Variants in ADPRHL1 observed in about 807,000 individuals in gnomAD.
ADPRHL1 encodes the protein inactive ADP-ribosyltransferase ARH2.
In ADPRHL1, 43 loss-of-function variants were observed where a neutral mutation model predicts 44.1. The observed-to-expected ratio is 0.98, with a 90% CI of 0.76 to 1.26. The LOEUF (loss-of-function observed/expected upper bound fraction) is 1.26, where lower values mean the gene tolerates loss of function less well. Ranked by LOEUF, ADPRHL1 falls within the 50% of genes most tolerant of loss-of-function variation. ADPRHL1 has a pLI of 0.00. For missense variants in ADPRHL1, 2,022 were observed against 2,496.9 expected (o/e 0.81, Z 4.05); for synonymous variants, 878 against 1,017.4 (o/e 0.86, Z 2.61).
chr13:113,450,991 G>C (rs181167313), intron 1 of ADPRHL1, among the ~76,000 whole-genome samples: 1 of 150,110 alleles, frequency 6.7e-6, no homozygotes, highest in East Asian at 2.0e-4. Context: ...AGCAGGTGTT[G>C]TTCCTTGCCA....
Position 113,407,897 on chromosome 13 carries a change from GGCCCCT to G in ADPRHL1, c.1379_1384del (p.Gln460_Gly461del). ...GGTGGCACCCACGAGGCCCCCACCC[GGCCCCT>G]GCTTGTCCTTGGAGATCAGCCGGCC... On this transcript the variant is annotated inframe_deletion, in exon 8 of 8. Transcript: ENST00000612156. The G allele has an allele frequency of 8.1e-7, 1 of 1,231,938 alleles. No individual in the cohort carries two copies. The highest frequency in any genetic ancestry group is 4.1e-5 in the South Asian group (1 of 24,316). 76.3% of individuals were successfully genotyped at this position (1,231,938 alleles called of 1,614,324 possible). A position where few individuals can be genotyped will look rare whatever the true frequency, so the allele number is the denominator to read the frequency against.
intron 7 of ADPRHL1, among the ~76,000 whole-genome samples, chr13:113,421,398 C>A (rs1308064466): frequency 2.1e-5 from 3 of 143,484 alleles, no homozygotes; most frequent in African/African-American, 7.8e-5. Context: ...CCGGGACTTG[C>A]CCACCCCCAG....
rs1049092343 is a variant in ADPRHL1, at chr13:113,407,412, C to T, written c.1870G>A (p.Ala624Thr). 1.1e-5 allele frequency: 13 copies of T among 1,231,862 alleles called. No homozygotes were observed. Among genetic ancestry groups the T allele is most frequent in the East Asian group, 9.5e-5 (3 of 31,700 alleles). 76.3% of individuals were successfully genotyped at this position (1,231,862 alleles called of 1,614,324 possible). ...TAEPLPALSIATVVCGPRSWL... is the reference protein window; with the variant it reads ...TAEPLPALSITTVVCGPRSWL... ...CTCCTGGGGCCACAGACGACGGTGG[C>T]GATGCTGAGGGCCGGCAGGGGCTCA... Residue 624 changes from alanine (A) to threonine (T), a missense_variant, in exon 8 of 8, where the codon GCC (alanine) becomes ACC (threonine). Transcript: ENST00000612156.
Position 113,453,310 on chromosome 13 carries a change from A to G in ADPRHL1, c.128T>C (p.Leu43Pro), listed in dbSNP as rs771165404. 1.2e-6 allele frequency: 2 copies of G among 1,614,204 alleles called. No individual in the cohort carries two copies. The highest frequency in any genetic ancestry group is 2.2e-5 in the East Asian group (1 of 44,874). ...IQEELQRSGG[L>P]DHLVLSPGEW... is the part of the protein sequence containing the mutation. Reference sequence around the variant, plus strand: ...TCCTGGCGAGAGTACGAGGTGGTCCAGGCCCCCGGAACGTTGCAGCTCCTC... The same window carrying G: ...TCCTGGCGAGAGTACGAGGTGGTCCGGGCCCCCGGAACGTTGCAGCTCCTC... Residue 43 changes from leucine to proline, a missense_variant, in exon 1 of 8, where the codon CTG becomes CCG. Transcript: ENST00000612156. This position sits in a 1 kb window ranked among gnomAD's most constrained non-coding sequence, Gnocchi z 5.4.
intron 2 of ADPRHL1, among the ~76,000 whole-genome samples, chr13:113,443,293 A>T (rs932819611): frequency 5.3e-5 from 8 of 152,016 alleles, no homozygotes; most frequent in Non-Finnish European, 1.2e-4. Flanking sequence ...AAATAGTTTG[A>T]TCTTTCTGGG....
chr13:113,408,424 T>A (rs1167380087), intron 7 of ADPRHL1, among the ~76,000 whole-genome samples: 1 of 152,220 alleles, frequency 6.6e-6, no homozygotes, highest in East Asian at 1.9e-4. Context: ...AAAGCTTTTC[T>A]GGGTCACTGT....
chr13:113,414,946 T>G (rs1378976645), intron 7 of ADPRHL1, among the ~76,000 whole-genome samples: 1 of 152,174 alleles, frequency 6.6e-6, no homozygotes, highest in Non-Finnish European at 1.5e-5. Context: ...GTGCTGGGAT[T>G]ACAGGCATGA....
At chr13:113,445,937 C>G (rs182401757) in intron 1 of ADPRHL1, among the ~76,000 whole-genome samples, 8 of 150,106 alleles carry the variant, frequency 5.3e-5, no homozygotes, top group Non-Finnish European at 1.2e-4. Context: ...AGAGCACGCA[C>G]GTGTAGGGAC....
At chr13:113,434,018 C>T (rs2044027416) in intron 2 of ADPRHL1, 151 bp from the exon 3 acceptor site, 2 of 1,179,214 alleles carry the variant, frequency 1.7e-6, no homozygotes, top group Admixed American at 6.9e-5. Flanking sequence ...ATGGGCAGGC[C>T]ACTCAAGTCC....
In ADPRHL1 at chr13:113,449,138, G is replaced by A. The variant is rs973648140; in HGVS notation, c.214+4086C>T. 5 of 1,008,098 alleles carry A rather than the reference G, an allele frequency of 5.0e-6. No homozygotes were observed. The South Asian group carries it at 1.2e-4, about 24-fold the overall frequency. 62.4% of individuals were successfully genotyped at this position (1,008,098 alleles called of 1,614,324 possible). A position where few individuals can be genotyped will look rare whatever the true frequency, so the allele number is the denominator to read the frequency against. ...ACTTCCTGGTTCAGAGTCTGCTCTC[G>A]TGCCCTGTTCAGAGAGGCTCACCCG... On this transcript the variant is annotated intron_variant, in intron 1 of 7. Transcript: ENST00000612156.
In ADPRHL1 at chr13:113,453,401, C is replaced by T. The variant is rs769398018; in HGVS notation, c.37G>A (p.Val13Ile). The T allele has an allele frequency of 2.5e-5, 41 of 1,614,042 alleles. No homozygotes were observed. Among genetic ancestry groups the T allele is most frequent in the South Asian group, 2.5e-4 (23 of 91,084 alleles). ...KFKAAMLLGS[V>I]GDALGYRNVC... ...TTTCTGTAGCCAAGAGCATCGCCGA[C>T]GCTCCCCAGCAACATCGCAGCCTTA... Residue 13 changes from valine to isoleucine, a missense_variant, in exon 1 of 8, where the codon GTC becomes ATC. Transcript: ENST00000612156. The surrounding 1 kb of genome is among the most constrained non-coding windows in gnomAD (Gnocchi z 5.4).
chr13:113,405,601 T>C lies in ADPRHL1; in HGVS notation c.3681A>G (p.Leu1227=). Residue 1227 remains leucine, a synonymous_variant, in exon 8 of 8, where the codon TTA becomes TTG. Coordinates refer to ENST00000612156, the MANE Select transcript of ADPRHL1 (RefSeq NM_001394807.1). Reference sequence around the variant, plus strand: ...TGGCTGCTGATGTGTTTGAAATGTATAATCGGGCCGCCTCTGGGTGCCGGG... The same window carrying C: ...TGGCTGCTGATGTGTTTGAAATGTACAATCGGGCCGCCTCTGGGTGCCGGG... The part of the protein sequence containing the change: ...ALARHPEAAR[L]YISNTSAASR... The C allele has an allele frequency of 8.1e-7, 1 of 1,232,696 alleles. No individual in the cohort carries two copies. The highest frequency in any genetic ancestry group is 1.0e-6 in the Non-Finnish European group (1 of 988,716). 76.4% of individuals were successfully genotyped at this position (1,232,696 alleles called of 1,614,324 possible).
chr13:113,423,038 C>T, intron 6 of ADPRHL1, 59 bp from the exon 7 acceptor site: 1 of 1,603,402 alleles, frequency 6.2e-7, no homozygotes, highest in Non-Finnish European at 8.5e-7. Context: ...TCTGCAAGAC[C>T]CCTGGGGCTG....
In ADPRHL1 at chr13:113,409,900, A is replaced by G. The variant is rs912743692; in HGVS notation, c.1062-1680T>C. The G allele has an allele frequency of 9.4e-4, 921 of 982,844 alleles. 10 individuals carry two copies. The African/African-American group carries it at 0.015, about 16-fold the overall frequency. 60.9% of individuals were successfully genotyped at this position (982,844 alleles called of 1,614,324 possible). A position where few individuals can be genotyped will look rare whatever the true frequency, so the allele number is the denominator to read the frequency against. ...CGAGACTCCGTCTCAAAAAAAAAAA[A>G]AAAAAAAAGGAAGAAGCTGAGCAGG... On this transcript the variant is annotated intron_variant, in intron 7 of 7. Transcript: ENST00000612156. The surrounding 1 kb of genome is among the most constrained non-coding windows in gnomAD (Gnocchi z 4.2).
rs9577273 is a variant in ADPRHL1, at chr13:113,453,418, G to A, written c.20C>T (p.Ala7Val). The A allele has an allele frequency of 3.9e-4, 633 of 1,614,058 alleles. 4 individuals carry two copies. The East Asian group carries it at 0.013, about 32-fold the overall frequency. MEKFKA[A>V]MLLGSVGDAL... ...ATCGCCGACGCTCCCCAGCAACATCGCAGCCTTAAATTTCTCCATCCCAGG... is the reference window on the plus strand; with the variant it reads ...ATCGCCGACGCTCCCCAGCAACATCACAGCCTTAAATTTCTCCATCCCAGG... The change falls in exon 1 of 8, where the codon GCG becomes GTG. Residue 7 changes from alanine to valine, a missense_variant. This residue lies in a region of ADPRHL1 where 437 missense variants were observed against 430.7 expected (regional missense o/e 1.01). Coordinates refer to ENST00000612156, the MANE Select transcript of ADPRHL1 (RefSeq NM_001394807.1). This position sits in a 1 kb window ranked among gnomAD's most constrained non-coding sequence, Gnocchi z 5.4.
chr13:113,409,482 C>T lies in ADPRHL1; in HGVS notation c.1062-1262G>A, dbSNP rs1199439413. 4.1e-6 allele frequency: 4 copies of T among 985,320 alleles called. No homozygotes were observed. The East Asian group carries it at 4.5e-4, about 112-fold the overall frequency. The allele number at this position is 985,320 out of a possible 1,614,324, so 61.0% of individuals were successfully genotyped here. On this transcript the variant is annotated intron_variant, in intron 7 of 7. Transcript: ENST00000612156. The surrounding 1 kb of genome is among the most constrained non-coding windows in gnomAD (Gnocchi z 4.2). ...TCTAGAGCATCCTCGATGTCCAACTCCAGGGCGGCCGCACAATGGCACGTC... is the reference window on the plus strand; with the variant it reads ...TCTAGAGCATCCTCGATGTCCAACTTCAGGGCGGCCGCACAATGGCACGTC...
At position 113,422,895 on chromosome 13, in the gene ADPRHL1, T is replaced by C. The variant is rs2043936462; in HGVS notation, c.992A>G (p.Gln331Arg). ...CAGCTTCTCCTTGTCCTCCAGGTCC[T>C]GGTACAAGCCTTTGGGAACGAGGTC... is the stretch of plus-strand genomic sequence containing the variant. ...GLDLVPKGLY[Q>R]DLEDKEKLED... The change falls in exon 7 of 8, where the codon CAG becomes CGG. Residue 331 changes from glutamine to arginine, a missense_variant. Gln to Arg is a conservative substitution (Grantham distance 43, BLOSUM62 1). Transcript: ENST00000612156. The C allele has an allele frequency of 1.2e-6, 2 of 1,612,946 alleles. No homozygotes were observed. Among genetic ancestry groups the C allele is most frequent in the Non-Finnish European group, 1.7e-6 (2 of 1,179,994 alleles).
In ADPRHL1 at chr13:113,424,697, CATTCATCCATTT is replaced by C. The variant is rs373814960; in HGVS notation, c.774+343_775-349del. On this transcript the variant is annotated intron_variant, in intron 5 of 7. Coordinates refer to ENST00000612156, the MANE Select transcript of ADPRHL1 (RefSeq NM_001394807.1). ...CCATCCATTCATCTATCCACCCATC[CATTCATCCATTT>C]ACCCACACATTTACCTACCCATCCA... is the stretch of plus-strand genomic sequence containing the variant. Among the ~76,000 whole-genome samples the C allele has an allele frequency of 5.1e-4, 70 of 138,456 alleles. 7 individuals carry two copies. Among genetic ancestry groups the C allele is most frequent in the Non-Finnish European group, 6.8e-4 (44 of 64,498 alleles). 90.8% of individuals were successfully genotyped at this position (138,456 alleles called of 152,430 possible).
rs2043811991 is a variant in ADPRHL1, at chr13:113,406,712, G to A, written c.2570C>T (p.Pro857Leu). 1 of 1,231,814 alleles carries A rather than the reference G, an allele frequency of 8.1e-7. No individual in the cohort carries two copies. The allele number at this position is 1,231,814 out of a possible 1,614,324, so 76.3% of individuals were successfully genotyped here. A position where few individuals can be genotyped will look rare whatever the true frequency, so the allele number is the denominator to read the frequency against. ...ACTTGACATATTTTGCAGCCTGGTG[G>A]GAGGGGCTGGCATTTCATGGACAAC... ...IPVVHEMPAP[P>L]TRLQNMSSGE... Residue 857 changes from proline (P) to leucine (L), a missense_variant, in exon 8 of 8, where the codon CCC becomes CTC. This residue lies in a region of ADPRHL1 where 1,221 missense variants were observed against 1,517.8 expected (regional missense o/e 0.80). Transcript: ENST00000612156.
Sources: gnomAD v4.1 joint callset for allele counts (sites outside exome capture counted in the v4.1 genomes callset) on GRCh38, gnomAD v4.1.1 for gene constraint, gnomAD v4.1.1 regional missense constraint, Gnocchi (gnomAD v3.1) non-coding constraint, MANE v1.5 for transcripts, NCBI Gene and HGNC (gene_info 2026-07-23, HGNC 2026-07-21) for gene names.